Variants in KLHL29 observed in about 807,000 individuals in gnomAD.
KLHL29 encodes kelch like family member 29.
Under a neutral mutation model 80.4 loss-of-function variants are expected in KLHL29, and 21 were observed. The ratio of observed to expected loss-of-function variants is 0.26; its 90% CI spans 0.19 to 0.38. The LOEUF (loss-of-function observed/expected upper bound fraction) is 0.38, where lower values mean the gene tolerates loss of function less well. Among genes scored for constraint, KLHL29 ranks in the 10% least tolerant of loss-of-function variants. The pLI is 1.00. For synonymous variants in KLHL29, 511 were observed against 526.8 expected (o/e 0.97, Z 0.41); for missense variants, 867 against 1,223.9 (o/e 0.71, Z 4.35).
At chr2:23,438,987 A>C (rs201639544) in intron 1 of KLHL29, among the ~76,000 whole-genome samples, 55,046 of 134,574 alleles carry the variant, frequency 0.41, 12,099 homozygotes, top group African/African-American at 0.56. Context: ...ACAATTTCAG[A>C]TCCTGTTATT....
chr2:23,579,028 G>A (rs942148448), intron 3 of KLHL29, among the ~76,000 whole-genome samples: 5 of 152,190 alleles, frequency 3.3e-5, no homozygotes, highest in Admixed American at 2.0e-4. Flanking sequence ...CCGTGCCCCC[G>A]CCAGTCCTGG....
intron 3 of KLHL29, among the ~76,000 whole-genome samples, chr2:23,628,000 C>A (rs749119979): frequency 6.6e-6 from 1 of 151,434 alleles, no homozygotes; most frequent in Non-Finnish European, 1.5e-5. Context: ...CTCCGCTTCC[C>A]GGGGAGCTGG....
At chr2:23,678,781 G>T (rs911034316) in intron 5 of KLHL29, among the ~76,000 whole-genome samples, 4 of 152,198 alleles carry the variant, frequency 2.6e-5, no homozygotes, top group Non-Finnish European at 5.9e-5. Context: ...GAACCTTAAG[G>T]ACATTATGCT....
chr2:23,485,240 GA>G (rs776917549), intron 2 of KLHL29, among the ~76,000 whole-genome samples: 4 of 152,222 alleles, frequency 2.6e-5, no homozygotes, highest in Non-Finnish European at 4.4e-5. Context: ...ACTCTCTCAG[GA>G]GACTACCGGG....
intron 2 of KLHL29, chr2:23,532,559 T>C (rs1666525497): frequency 2.2e-6 from 1 of 456,628 alleles, no homozygotes; most frequent in Non-Finnish European, 4.4e-6. Context: ...AAAATCTCAC[T>C]TTCACTTTCC....
chr2:23,585,071 A>G (rs1362996705), intron 3 of KLHL29, among the ~76,000 whole-genome samples: 1 of 152,188 alleles, frequency 6.6e-6, no homozygotes, highest in Non-Finnish European at 1.5e-5. Flanking sequence ...TATGCAGAAG[A>G]CACAGACCGT....
At chr2:23,654,708 G>GGGGGGGGGGT (rs1670192200) in intron 5 of KLHL29, among the ~76,000 whole-genome samples, 1 of 79,718 alleles carries the variant, frequency 1.3e-5, no homozygotes, top group Admixed American at 1.6e-4. Flanking sequence ...GGGGGGGGGG[G>GGGGGGGGGGT]TGGATGTTTT....
At position 23,411,379 on chromosome 2, in the gene KLHL29, T is replaced by TTGTGTGTGTGTGTGTG. The variant is rs56103621; in HGVS notation, c.-154+25630_-154+25645dup. 4.5e-4 allele frequency among the ~76,000 whole-genome samples: 49 copies of TTGTGTGTGTGTGTGTG among 109,024 alleles called. 1 individual carries two copies. Among genetic ancestry groups the TTGTGTGTGTGTGTGTG allele is most frequent in the African/African-American group, 1.8e-3 (47 of 26,338 alleles). 71.5% of individuals were successfully genotyped at this position (109,024 alleles called of 152,430 possible). ...ATATTGGGTATGTATGTTGCAAAAA[T>TTGTGTGTGTGTGTGTG]TGTGTGTGTGTGTGTGTGTGTGTGT... On this transcript the variant is annotated intron_variant, in intron 1 of 13. Transcript: ENST00000486442.
intron 3 of KLHL29, among the ~76,000 whole-genome samples, chr2:23,583,259 C>T (rs1668030687): frequency 6.6e-6 from 1 of 152,146 alleles, no homozygotes; most frequent in South Asian, 2.1e-4. Flanking sequence ...CCATGGACAC[C>T]CCATGGAAGG....
At chr2:23,602,210 G>A (rs1000096354) in intron 3 of KLHL29, among the ~76,000 whole-genome samples, 8 of 152,262 alleles carry the variant, frequency 5.3e-5, no homozygotes, top group African/African-American at 1.7e-4. Context: ...GAGACAGCCC[G>A]TGCCCGTCGG....
At chr2:23,455,211 T>A (rs1215394380) in intron 1 of KLHL29, among the ~76,000 whole-genome samples, 5 of 152,204 alleles carry the variant, frequency 3.3e-5, no homozygotes, top group Non-Finnish European at 5.9e-5. Context: ...CATAAAATTG[T>A]CCCACTTCCA....
chr2:23,434,684 G>C (rs1412051626), intron 1 of KLHL29, among the ~76,000 whole-genome samples: 1 of 152,240 alleles, frequency 6.6e-6, no homozygotes, highest in Non-Finnish European at 1.5e-5. Flanking sequence ...ATTTGGGTCA[G>C]ATGAAGTGGC....
chr2:23,620,787 G>A (rs944393939), intron 3 of KLHL29, among the ~76,000 whole-genome samples: 5 of 152,224 alleles, frequency 3.3e-5, no homozygotes, highest in South Asian at 2.1e-4. Flanking sequence ...GGAGAAGAAC[G>A]TTCCAGAACC....
chr2:23,571,781 A>G (rs1401867241), intron 3 of KLHL29, among the ~76,000 whole-genome samples: 1 of 152,208 alleles, frequency 6.6e-6, no homozygotes, highest in East Asian at 1.9e-4. Flanking sequence ...AGAGAGTTCC[A>G]GATATACTGA....
intron 5 of KLHL29, among the ~76,000 whole-genome samples, chr2:23,683,762 G>A (rs1055930700): frequency 7.9e-5 from 12 of 152,196 alleles, no homozygotes; most frequent in East Asian, 3.9e-4. Context: ...GGGAGGAGGC[G>A]CAGAGGGTCC....
chr2:23,544,900 A>G (rs1666942764), intron 2 of KLHL29, among the ~76,000 whole-genome samples: 1 of 152,192 alleles, frequency 6.6e-6, no homozygotes, highest in Non-Finnish European at 1.5e-5. Flanking sequence ...ATGGGTCTTA[A>G]GAAGAAGGCC....
chr2:23,484,966 C>G (rs1352079379), intron 2 of KLHL29, among the ~76,000 whole-genome samples: 1 of 152,172 alleles, frequency 6.6e-6, no homozygotes, highest in Non-Finnish European at 1.5e-5. Flanking sequence ...CCAGGGCCGC[C>G]CCCGAGGGAA....
At chr2:23,513,788 A>G (rs1255193187) in intron 2 of KLHL29, among the ~76,000 whole-genome samples, 1 of 152,186 alleles carries the variant, frequency 6.6e-6, no homozygotes, top group Admixed American at 6.5e-5. Flanking sequence ...GACTCTGGCA[A>G]GAGGGCCTAA....
At position 23,696,306 on chromosome 2, in the gene KLHL29, T is replaced by G. The variant is rs540982147; in HGVS notation, c.1925-27T>G. On this transcript the variant is annotated intron_variant, in intron 10 of 13. Transcript: ENST00000486442. This position sits in a 1 kb window ranked among gnomAD's most constrained non-coding sequence, Gnocchi z 5.5. ...CCAGGCCCCTCCTCACCCCGCCCGCTCTCTCTGCCTCCCACACTGCCTCCA... is the reference window on the plus strand; with the variant it reads ...CCAGGCCCCTCCTCACCCCGCCCGCGCTCTCTGCCTCCCACACTGCCTCCA... 1.3e-4 allele frequency: 206 copies of G among 1,549,848 alleles called. 3 individuals are homozygous for G. The Admixed American group carries it at 3.8e-3, about 28-fold the overall frequency.
Sources: gnomAD v4.1 joint callset for allele counts (sites outside exome capture counted in the v4.1 genomes callset) on GRCh38, gnomAD v4.1.1 for gene constraint, Gnocchi (gnomAD v3.1) non-coding constraint, MANE v1.5 for transcripts, NCBI Gene and HGNC (gene_info 2026-07-23, HGNC 2026-07-21) for gene names.